Variants in PALLD observed in about 807,000 individuals in gnomAD.
PALLD encodes palladin.
PALLD carries 61 observed loss-of-function variants against 123.5 expected under a neutral mutation model. The ratio of observed to expected loss-of-function variants is 0.49; its 90% CI spans 0.40 to 0.61. PALLD has a LOEUF of 0.61. PALLD is among the 20% of genes least tolerant of loss of function. The pLI is 0.00. For synonymous variants in PALLD, 465 were observed against 496.4 expected (o/e 0.94, Z 0.84); for missense variants, 1,273 against 1,377.0 (o/e 0.92, Z 1.20).
intron 10 of PALLD, among the ~76,000 whole-genome samples, chr4:168,810,460 G>A (rs372907178): frequency 5.3e-5 from 8 of 152,024 alleles, no homozygotes; most frequent in African/African-American, 1.7e-4. Flanking sequence ...TTCGAGACCA[G>A]CCTGGCCAAC....
At chr4:168,559,591 G>A (rs374016013) in intron 2 of PALLD, among the ~76,000 whole-genome samples, 2 of 152,080 alleles carry the variant, frequency 1.3e-5, no homozygotes, top group African/African-American at 4.8e-5. Context: ...GAACTTTTGA[G>A]TCTTATCAAG....
chr4:168,716,707 C>T (rs1336256161), intron 10 of PALLD, among the ~76,000 whole-genome samples: 2 of 152,116 alleles, frequency 1.3e-5, no homozygotes, highest in African/African-American at 2.4e-5. Flanking sequence ...TCTAGGCTAA[C>T]AAAGTAAAGT....
At chr4:168,516,454 T>C (rs1305582321) in intron 2 of PALLD, among the ~76,000 whole-genome samples, 6 of 152,212 alleles carry the variant, frequency 3.9e-5, no homozygotes, top group Non-Finnish European at 8.8e-5. Context: ...CTTATATTTT[T>C]AAAGGTATTT....
At chr4:168,592,394 G>C (rs17707408) in intron 2 of PALLD, among the ~76,000 whole-genome samples, 25,666 of 151,900 alleles carry the variant, frequency 0.17, 2,616 homozygotes, top group East Asian at 0.52. Flanking sequence ...ACATGTCTAT[G>C]AGAACTCAGT....
chr4:168,794,894 A>G (rs1738262473), intron 10 of PALLD, among the ~76,000 whole-genome samples: 2 of 152,188 alleles, frequency 1.3e-5, no homozygotes, highest in South Asian at 4.1e-4. Flanking sequence ...GAAACCAGCC[A>G]TTATAGACTG....
intron 10 of PALLD, among the ~76,000 whole-genome samples, chr4:168,786,033 A>C (rs1736702919): frequency 6.6e-6 from 1 of 151,754 alleles, no homozygotes. Context: ...AGTATGATAG[A>C]AGTATACTAC....
At chr4:168,914,434 T>G (rs369948103) in intron 16 of PALLD, among the ~76,000 whole-genome samples, 8 of 152,196 alleles carry the variant, frequency 5.3e-5, no homozygotes, top group African/African-American at 9.6e-5. Context: ...ATCAGCTCAT[T>G]TGTTAATGTT....
intron 1 of PALLD, among the ~76,000 whole-genome samples, chr4:168,497,512 G>T (rs2150203135): frequency 6.6e-6 from 1 of 152,248 alleles, no homozygotes. Flanking sequence ...GCCAGCTTTT[G>T]TCAAGATCGT....
chr4:168,658,270 G>A (rs1424835533), intron 2 of PALLD, among the ~76,000 whole-genome samples: 2 of 148,018 alleles, frequency 1.4e-5, no homozygotes, highest in African/African-American at 5.0e-5. Flanking sequence ...TTTGTTGGTG[G>A]TGGGTTTTTA....
intron 2 of PALLD, among the ~76,000 whole-genome samples, chr4:168,600,035 A>ATGTGTGTACACACACATATACC (rs1244928618): frequency 6.6e-6 from 1 of 151,066 alleles, no homozygotes; most frequent in Non-Finnish European, 1.5e-5. Context: ...ACACACATAC[A>ATGTGTGTACACACACATATACC]TACATGTGTA....
chr4:168,621,964 G>A (rs1344146252), intron 2 of PALLD, among the ~76,000 whole-genome samples: 1 of 152,162 alleles, frequency 6.6e-6, no homozygotes, highest in Non-Finnish European at 1.5e-5. Context: ...GCACCCTAGG[G>A]TTTGTATTTG....
chr4:168,530,180 G>A (rs1764471901), intron 2 of PALLD, among the ~76,000 whole-genome samples: 1 of 152,178 alleles, frequency 6.6e-6, no homozygotes, highest in Non-Finnish European at 1.5e-5. Context: ...TGGTAATAAA[G>A]GAAGATAGTT....
At chr4:168,509,978 C>A (rs886531774) in intron 1 of PALLD, among the ~76,000 whole-genome samples, 4 of 152,142 alleles carry the variant, frequency 2.6e-5, no homozygotes, top group Admixed American at 1.3e-4. Flanking sequence ...GATACTTCTA[C>A]GCAAGCAACT....
chr4:168,886,188 T>C (rs915112857), intron 10 of PALLD, among the ~76,000 whole-genome samples: 4 of 152,204 alleles, frequency 2.6e-5, no homozygotes, highest in Non-Finnish European at 5.9e-5. Context: ...AAAATCTTAA[T>C]ACATAGAATT....
chr4:168,666,967 C>G (rs1189729183), intron 2 of PALLD, among the ~76,000 whole-genome samples: 3 of 152,088 alleles, frequency 2.0e-5, no homozygotes, highest in Non-Finnish European at 4.4e-5. Flanking sequence ...CCGTTGCCCC[C>G]AAAATAATAT....
intron 2 of PALLD, among the ~76,000 whole-genome samples, chr4:168,586,710 A>T (rs1051809209): frequency 6.6e-6 from 1 of 152,138 alleles, no homozygotes; most frequent in East Asian, 1.9e-4. Flanking sequence ...CAAATGGGTC[A>T]TGCTTTCCAG....
chr4:168,777,456 A>T (rs1255042524), intron 10 of PALLD, among the ~76,000 whole-genome samples: 1 of 152,172 alleles, frequency 6.6e-6, no homozygotes, highest in African/African-American at 2.4e-5. Flanking sequence ...TGATTATCAG[A>T]CACCTGCATG....
intron 1 of PALLD, among the ~76,000 whole-genome samples, chr4:168,509,965 G>T (rs1409410409): frequency 6.6e-6 from 1 of 152,154 alleles, no homozygotes; most frequent in African/African-American, 2.4e-5. Flanking sequence ...TCTTAGATGG[G>T]AAGATACTTC....
At chr4:168,842,960 C>T (rs989881292) in intron 10 of PALLD, among the ~76,000 whole-genome samples, 1 of 152,096 alleles carries the variant, frequency 6.6e-6, no homozygotes, top group Non-Finnish European at 1.5e-5. Context: ...CCCAAGTGCT[C>T]GTTACCCAAA....
Sources: allele counts gnomAD v4.1 joint callset (sites outside exome capture counted in the v4.1 genomes callset), GRCh38; gene constraint gnomAD v4.1.1; transcripts MANE v1.5; gene names NCBI Gene and HGNC (gene_info 2026-07-23, HGNC 2026-07-21).